Variants in INTS11 observed in about 807,000 individuals in gnomAD.
INTS11 encodes the protein integrator complex subunit 11.
In INTS11, 77 loss-of-function variants were observed where a neutral mutation model predicts 78.6. That is an observed-to-expected ratio of 0.98 (90% CI 0.81 to 1.18). The LOEUF (loss-of-function observed/expected upper bound fraction) is 1.18, where lower values mean the gene tolerates loss of function less well. INTS11 is among the 50% of genes most tolerant of loss of function. The pLI, the probability that INTS11 is intolerant of heterozygous loss-of-function variation, is 0.00. For synonymous variants in INTS11, 441 were observed against 326.9 expected, an observed-to-expected ratio of 1.35 and a Z score of -3.77; for missense variants, 875 against 825.9, an observed-to-expected ratio of 1.06 and a Z score of -0.73.
rs1642811516 is a variant in INTS11, at chr1:1,319,380, C to T, written c.345G>A (p.Lys115=). The change falls in exon 4 of 17, where the codon AAG becomes AAA. Residue 115 remains lysine (K), a synonymous_variant. Coordinates refer to ENST00000435064, the MANE Select transcript of INTS11 (RefSeq NM_017871.6). ...GGGAGGTGAAGAAGTTGGCCTCGCC[C>T]TTCTTGTCTACGGCGATCTTGCGGT... is the stretch of plus-strand genomic sequence containing the variant. ...EDYRKIAVDK[K]GEANFFTSQM... 1.2e-6 allele frequency: 2 copies of T among 1,613,412 alleles called. No individual in the cohort carries two copies. The highest frequency in any genetic ancestry group is 1.7e-6 in the Non-Finnish European group (2 of 1,180,014).
intron 3 of INTS11, chr1:1,319,783 G>C (rs746306063): frequency 2.3e-5 from 12 of 515,096 alleles, no homozygotes; most frequent in African/African-American, 3.8e-5. Context: ...CAAAGCTGCT[G>C]AGGGAACCGC....
Position 1,312,084 on chromosome 1 carries a change from G to A in INTS11, c.1671C>T (p.Leu557=), listed in dbSNP as rs1642208421. 1 of 1,574,178 alleles carries A rather than the reference G, an allele frequency of 6.4e-7. No individual in the cohort carries two copies. The highest frequency in any genetic ancestry group is 1.2e-5 in the South Asian group (1 of 86,560). ...CCTCAGAAGGGGCGGCGGCCTGGAG[G>A]AGGACGGACTCCACAGTCACAGAGC... is the stretch of plus-strand genomic sequence containing the variant. ...PDGSVTVESV[L]LQAAAPSEDP... The change falls in exon 16 of 17, where the codon CTC becomes CTT. Residue 557 remains leucine (L), a synonymous_variant. Coordinates refer to ENST00000435064, the MANE Select transcript of INTS11 (RefSeq NM_017871.6).
rs886099058 is a variant in INTS11 at position 1,320,361 on chromosome 1, C to G, written c.200+95G>C. On this transcript the variant is annotated intron_variant, in intron 3 of 16. Coordinates refer to ENST00000435064, the MANE Select transcript of INTS11 (RefSeq NM_017871.6). The stretch of plus-strand genomic sequence containing the variant: ...AGCCCCCTGAGGATCAAGGATGGCA[C>G]AGGCCCCTTGCCAAACGCTGCCGAG... 14 of 1,179,150 alleles carry G rather than the reference C, an allele frequency of 1.2e-5. No individual in the cohort carries two copies. In the African/African-American group the frequency reaches 2.1e-4, roughly 18 times the overall value. 73.0% of individuals were successfully genotyped at this position (1,179,150 alleles called of 1,614,324 possible).
rs574076693 is a variant in INTS11 at position 1,314,116 on chromosome 1, C to T, written c.767+185G>A. ...GAGAACCAGGAACCCCTACAAGAGCCGCACACGGTGGCGCTGACGGGATGT... is the reference window on the plus strand; with the variant it reads ...GAGAACCAGGAACCCCTACAAGAGCTGCACACGGTGGCGCTGACGGGATGT... On this transcript the variant is annotated intron_variant, in intron 8 of 16. Transcript: ENST00000435064. The surrounding 1 kb of genome is among the most constrained non-coding windows in gnomAD (Gnocchi z 4.2). 3.6e-4 allele frequency: 274 copies of T among 762,122 alleles called. No homozygotes were observed. The highest frequency in any genetic ancestry group is 1.6e-4 in the Non-Finnish European group (74 of 458,676). 47.2% of individuals were successfully genotyped at this position (762,122 alleles called of 1,614,324 possible).
At chr1:1,311,959 G>A (rs767332000) in intron 16 of INTS11, 35 bp from the exon 17 acceptor site, 4 of 1,596,592 alleles carry the variant, frequency 2.5e-6, no homozygotes, top group Non-Finnish European at 3.4e-6. Context: ...GGGTGGTGCA[G>A]GACAGGGAGG....
At chr1:1,312,397 C>T in intron 14 of INTS11, 29 bp from the exon 15 acceptor site, 2 of 1,565,216 alleles carry the variant, frequency 1.3e-6, no homozygotes, top group South Asian at 1.2e-5. Context: ...TCAGTGAGCG[C>T]AGCAGCGGCC....
At chr1:1,323,082 C>G in intron 1 of INTS11, 10 of 1,490,742 alleles carry the variant, frequency 6.7e-6, no homozygotes, top group Non-Finnish European at 9.0e-6. Flanking sequence ...GGGGCCCATG[C>G]AAACAGCTGC....
intron 5 of INTS11, 34 bp from the exon 6 acceptor site, chr1:1,315,472 G>A: frequency 1.2e-6 from 2 of 1,612,834 alleles, no homozygotes; most frequent in Non-Finnish European, 1.7e-6. Context: ...TGAGGAGGGT[G>A]CCTCCCACCC....
At chr1:1,319,163 TG>T in intron 4 of INTS11, 132 bp downstream of exon 4, 1 of 876,870 alleles carries the variant, frequency 1.1e-6, no homozygotes, top group Non-Finnish European at 2.0e-6. Context: ...CCCACGGTGC[TG>T]GACGCAAGAG....
intron 1 of INTS11, among the ~76,000 whole-genome samples, chr1:1,323,683 T>C (rs553233819): frequency 2.2e-4 from 33 of 151,452 alleles, no homozygotes; most frequent in East Asian, 1.2e-3. Flanking sequence ...AGTGCTGTGA[T>C]TGCAGGCGTG....
chr1:1,312,406 C>T, intron 14 of INTS11, 34 bp downstream of exon 14: 1 of 1,564,048 alleles, frequency 6.4e-7, no homozygotes, highest in African/African-American at 1.4e-5. Context: ...GCAGCAGCGG[C>T]CCTCCCCCCT....
At position 1,312,024 on chromosome 1, in the gene INTS11, G is replaced by A. The variant is rs1642202866; in HGVS notation, c.1731C>T (p.Thr577=). The A allele has an allele frequency of 5.7e-6, 9 of 1,578,140 alleles. No homozygotes were observed. The highest frequency in any genetic ancestry group is 7.7e-6 in the Non-Finnish European group (9 of 1,161,968). The change falls in exon 16 of 17, where the codon ACC becomes ACT. Residue 577 remains threonine, a synonymous_variant. Coordinates refer to ENST00000435064, the MANE Select transcript of INTS11 (RefSeq NM_017871.6). ...GGTGGGGGTCACCCCTTACCTGGTA[G>A]GTCCAGGAGACCAGCAGCACCTTGG... ...PGTKVLLVSW[T]YQDEELGSFL...
intron 6 of INTS11, 130 bp downstream of exon 6, chr1:1,315,274 G>T: frequency 8.7e-7 from 1 of 1,143,568 alleles, no homozygotes; most frequent in Non-Finnish European, 1.3e-6. Context: ...AACGAAGGGG[G>T]CTCTCCAGGC....
At chr1:1,312,193 G>C (rs1159395812) in intron 15 of INTS11, 33 bp downstream of exon 15, 3 of 1,389,020 alleles carry the variant, frequency 2.2e-6, no homozygotes, top group Admixed American at 4.4e-5. Flanking sequence ...CAGGGCCCAA[G>C]GGAGTGGGGG....
chr1:1,319,439 T>C lies in INTS11; in HGVS notation c.286A>G (p.Thr96Ala). The change falls in exon 4 of 17, where the codon ACC becomes GCC. Residue 96 changes from threonine (T) to alanine (A), a missense_variant. Coordinates refer to ENST00000435064, the MANE Select transcript of INTS11 (RefSeq NM_017871.6). ...AGCAAGATGGGGCAGATGGCCTGGG[T>C]GGGGTGAGTCATGTAGATGGGCCCG... ...YDGPIYMTHP[T>A]QAICPILLED... The C allele has an allele frequency of 6.2e-7, 1 of 1,612,860 alleles. No homozygotes were observed. Among genetic ancestry groups the C allele is most frequent in the Admixed American group, 1.7e-5 (1 of 60,002 alleles).
chr1:1,312,205 G>GGGGGC (rs774539554), intron 15 of INTS11, 21 bp downstream of exon 15: 3 of 1,180,160 alleles, frequency 2.5e-6, no homozygotes, highest in Admixed American at 2.2e-5. Flanking sequence ...GAGTGGGGGG[G>GGGGGC]GGGCGGGGCC....
Position 1,322,984 on chromosome 1 carries a change from T to C in INTS11, c.28+1597A>G, listed in dbSNP as rs936494401. 7.3e-6 allele frequency: 10 copies of C among 1,365,584 alleles called. No homozygotes were observed. In the African/African-American group the frequency reaches 1.3e-4, roughly 18 times the overall value. The allele number at this position is 1,365,584 out of a possible 1,614,324, so 84.6% of individuals were successfully genotyped here. ...TCAGAAAGATCAGATGTCCAGAGAG[T>C]GGGCAGAACAGGCAGCCAAGAGGCC... On this transcript the variant is annotated intron_variant, in intron 1 of 16. Coordinates refer to ENST00000435064, the MANE Select transcript of INTS11 (RefSeq NM_017871.6).
chr1:1,312,253 GCCGTCT>G lies in INTS11; in HGVS notation c.1574_1579del (p.Glu525_Thr526del), dbSNP rs1281642832. The G allele has an allele frequency of 6.5e-7, 1 of 1,545,174 alleles. No homozygotes were observed. Among genetic ancestry groups the G allele is most frequent in the Non-Finnish European group, 8.7e-7 (1 of 1,144,210 alleles). On this transcript the variant is annotated inframe_deletion, in exon 15 of 17. Coordinates refer to ENST00000435064, the MANE Select transcript of INTS11 (RefSeq NM_017871.6). The stretch of plus-strand genomic sequence containing the variant: ...CTTGAGGTGGCTGTAGACGCGCAAT[GCCGTCT>G]CCTGCTCCTTGCGTGTGTCATGCAG...
chr1:1,317,109 G>A (rs1642659851), intron 4 of INTS11: 1 of 151,932 alleles, frequency 6.6e-6, no homozygotes, highest in Admixed American at 6.6e-5. Context: ...CAAAATTTTG[G>A]CCAGGCGCAG....
Sources: gnomAD v4.1 joint callset for allele counts (sites outside exome capture counted in the v4.1 genomes callset) on GRCh38, gnomAD v4.1.1 for gene constraint, Gnocchi (gnomAD v3.1) non-coding constraint, MANE v1.5 for transcripts, NCBI Gene and HGNC (gene_info 2026-07-23, HGNC 2026-07-21) for gene names.